Variants in OXSR1 observed in about 807,000 individuals in gnomAD.
OXSR1 encodes oxidative stress responsive kinase 1, also known as serine/threonine-protein kinase OSR1.
Under a neutral mutation model 79.8 loss-of-function variants are expected in OXSR1, and 24 were observed. The observed-to-expected ratio is 0.30, with a 90% CI of 0.22 to 0.42. The LOEUF (loss-of-function observed/expected upper bound fraction) is 0.42, where lower values mean the gene tolerates loss of function less well. Among genes scored for constraint, OXSR1 ranks in the 10% least tolerant of loss-of-function variants. OXSR1 has a pLI of 1.00. For missense variants in OXSR1, 430 were observed against 618.4 expected (o/e 0.70, Z 3.23); for synonymous variants, 226 against 209.2 (o/e 1.08, Z -0.69).
chr3:38,177,542 G>GTTCTT (rs914622773), intron 1 of OXSR1, among the ~76,000 whole-genome samples: 2 of 152,086 alleles, frequency 1.3e-5, no homozygotes, highest in Admixed American at 6.6e-5. Flanking sequence ...TGCTAAATAT[G>GTTCTT]TTCTTTTCTT....
chr3:38,203,862 C>T (rs904890552), intron 4 of OXSR1, among the ~76,000 whole-genome samples: 18 of 152,138 alleles, frequency 1.2e-4, no homozygotes, highest in African/African-American at 3.1e-4. Flanking sequence ...TGTTCAAGGT[C>T]CTAGGGCTCT....
intron 1 of OXSR1, 125 bp downstream of exon 1, chr3:38,166,071 TG>T (rs1197026359): frequency 9.3e-6 from 7 of 753,452 alleles, no homozygotes; most frequent in African/African-American, 1.9e-5. Context: ...CTTGTGGGGC[TG>T]GGGGCTTGTA....
At chr3:38,169,272 C>G (rs1701528212) in intron 1 of OXSR1, among the ~76,000 whole-genome samples, 1 of 151,656 alleles carries the variant, frequency 6.6e-6, no homozygotes, top group Non-Finnish European at 1.5e-5. Context: ...AATCTTTTGT[C>G]CACTTGGACT....
At chr3:38,226,346 T>A (rs1465687873) in intron 8 of OXSR1, among the ~76,000 whole-genome samples, 1 of 152,004 alleles carries the variant, frequency 6.6e-6, no homozygotes, top group Non-Finnish European at 1.5e-5. Flanking sequence ...TTGAAAATAA[T>A]TAAAATTAGA....
At chr3:38,232,863 C>G (rs1448282375) in intron 10 of OXSR1, among the ~76,000 whole-genome samples, 1 of 152,000 alleles carries the variant, frequency 6.6e-6, no homozygotes, top group African/African-American at 2.4e-5. Flanking sequence ...ACTTTGATGC[C>G]CATAAATTAG....
intron 2 of OXSR1, among the ~76,000 whole-genome samples, chr3:38,186,771 C>T (rs1204992958): frequency 6.6e-6 from 1 of 152,126 alleles, no homozygotes. Flanking sequence ...TGATGAACAT[C>T]TGTGTGCAAG....
intron 1 of OXSR1, among the ~76,000 whole-genome samples, chr3:38,182,276 A>G (rs1014592938): frequency 1.3e-5 from 2 of 152,138 alleles, no homozygotes; most frequent in South Asian, 4.1e-4. Flanking sequence ...TTGGCTTGAC[A>G]TTGCCGCACG....
intron 15 of OXSR1, among the ~76,000 whole-genome samples, chr3:38,250,823 G>T (rs1703241723): frequency 6.6e-6 from 1 of 152,134 alleles, no homozygotes; most frequent in African/African-American, 2.4e-5. Context: ...CTCCACCGCA[G>T]TCCTCCTGTT....
intron 14 of OXSR1, 142 bp downstream of exon 14, chr3:38,247,874 T>C (rs1436504315): frequency 8.7e-6 from 5 of 575,976 alleles, no homozygotes; most frequent in Admixed American, 5.8e-5. Flanking sequence ...GTATTATTTT[T>C]CCCCAGAAAT....
chr3:38,209,048 G>T (rs1432800960), intron 4 of OXSR1, among the ~76,000 whole-genome samples: 2 of 152,036 alleles, frequency 1.3e-5, no homozygotes, highest in Non-Finnish European at 2.9e-5. Flanking sequence ...TTTTCTCCAT[G>T]TTGTGATTAC....
chr3:38,211,381 G>T (rs922929059), intron 4 of OXSR1, among the ~76,000 whole-genome samples: 1 of 152,128 alleles, frequency 6.6e-6, no homozygotes, highest in Admixed American at 6.5e-5. Flanking sequence ...ACAGGTTCAG[G>T]ATTGTTATTT....
intron 4 of OXSR1, among the ~76,000 whole-genome samples, chr3:38,212,450 A>G (rs1342857337): frequency 1.3e-5 from 2 of 152,186 alleles, no homozygotes; most frequent in East Asian, 3.8e-4. Context: ...ATCTACCCAA[A>G]TATTTTTCCC....
At chr3:38,212,144 C>T (rs766903158) in intron 4 of OXSR1, among the ~76,000 whole-genome samples, 45 of 152,096 alleles carry the variant, frequency 3.0e-4, no homozygotes, top group African/African-American at 1.1e-3. Flanking sequence ...TTCTAATATG[C>T]AGCCAAGTCT....
upstream of OXSR1, among the ~76,000 whole-genome samples, chr3:38,164,242 G>A (rs28631955): frequency 6.5e-3 from 994 of 152,214 alleles, 10 homozygotes; most frequent in African/African-American, 0.023. Flanking sequence ...TCGGGTCACT[G>A]CAACCTTCGC....
chr3:38,233,706 G>A (rs1702858339), intron 10 of OXSR1, among the ~76,000 whole-genome samples: 1 of 151,998 alleles, frequency 6.6e-6, no homozygotes, highest in African/African-American at 2.4e-5. Context: ...TTGAGCTCAG[G>A]AGTTCTAGAC....
At position 38,250,007 on chromosome 3, in the gene OXSR1, C is replaced by T; in HGVS notation, c.1364C>T (p.Thr455Ile). The T allele has an allele frequency of 6.3e-7, 1 of 1,592,390 alleles. No individual in the cohort carries two copies. Among genetic ancestry groups the T allele is most frequent in the South Asian group, 1.1e-5 (1 of 89,854 alleles). Residue 455 changes from threonine to isoleucine, a missense_variant, in exon 15 of 18, where the codon ACT becomes ATT. This residue lies in a region of OXSR1 where 276 missense variants were observed against 354.2 expected (regional missense o/e 0.78). Transcript: ENST00000311806. ...CTAAATGATATTCGATTTGAATTTA[C>T]TCCTGGGAGAGGTGAGGCATCAAAT... is the stretch of plus-strand genomic sequence containing the variant. ...KELNDIRFEF[T>I]PGRDTAEGVS...
chr3:38,166,880 G>A (rs1198128153), intron 1 of OXSR1, among the ~76,000 whole-genome samples: 1 of 152,040 alleles, frequency 6.6e-6, no homozygotes. Context: ...GAATAACCTG[G>A]AGATCTACTT....
chr3:38,245,363 C>T (rs1703118317), intron 12 of OXSR1, among the ~76,000 whole-genome samples: 1 of 152,118 alleles, frequency 6.6e-6, no homozygotes, highest in Non-Finnish European at 1.5e-5. Flanking sequence ...CTATTTCAGA[C>T]ATACAAAATA....
chr3:38,251,599 A>T (rs1703258247), intron 16 of OXSR1, 128 bp downstream of exon 16: 1 of 721,696 alleles, frequency 1.4e-6, no homozygotes. Context: ...GCTTTCCTGA[A>T]ATTATAGGTA....
Sources: allele counts gnomAD v4.1 joint callset (sites outside exome capture counted in the v4.1 genomes callset), GRCh38; gene constraint gnomAD v4.1.1; regional missense constraint gnomAD v4.1.1; transcripts MANE v1.5; gene names NCBI Gene and HGNC (gene_info 2026-07-23, HGNC 2026-07-21).